Variants in CDH18 observed in about 807,000 individuals in gnomAD.
CDH18 encodes the protein cadherin 18, also known as cadherin-18.
In CDH18, 31 loss-of-function variants were observed where a neutral mutation model predicts 67.9. The observed-to-expected ratio is 0.46, with a 90% CI of 0.34 to 0.62. The LOEUF (loss-of-function observed/expected upper bound fraction) is 0.62, where lower values mean the gene tolerates loss of function less well. CDH18 is among the 20% of genes least tolerant of loss of function. The pLI is 0.01. For missense variants in CDH18, 890 were observed against 975.5 expected, an observed-to-expected ratio of 0.91 and a Z score of 1.17; for synonymous variants, 362 against 347.2, an observed-to-expected ratio of 1.04 and a Z score of -0.48.
chr5:20,142,763 T>C (rs1031103152), intron 2 of CDH18, among the ~76,000 whole-genome samples: 1 of 152,140 alleles, frequency 6.6e-6, no homozygotes, highest in Middle Eastern at 3.4e-3. Context: ...ACCAGAAGTT[T>C]TGGGTAAATG....
At chr5:20,282,550 C>A (rs1746364589) in intron 1 of CDH18, among the ~76,000 whole-genome samples, 4 of 152,076 alleles carry the variant, frequency 2.6e-5, no homozygotes, top group Admixed American at 2.6e-4. Flanking sequence ...AGCCTTGCAT[C>A]CCAGGGATGA....
intron 2 of CDH18, among the ~76,000 whole-genome samples, chr5:19,935,795 ACTCTCTCT>A (rs70954623): frequency 1.5e-4 from 18 of 117,354 alleles, no homozygotes; most frequent in Admixed American, 3.4e-4. Context: ...ACAGTCAGGA[ACTCTCTCT>A]CTCTCTCTCT....
Position 20,250,589 on chromosome 5 carries a change from CTTTTTTTTTTTTT to C in CDH18, c.-518+4842_-518+4854del, listed in dbSNP as rs70954644. Among the ~76,000 whole-genome samples, 31 of 33,568 alleles carry C rather than the reference CTTTTTTTTTTTTT, an allele frequency of 9.2e-4. 2 individuals carry two copies. The East Asian group carries it at 0.021, about 23-fold the overall frequency. The allele number at this position is 33,568 out of a possible 152,430, so 22.0% of individuals were successfully genotyped here. ...TACAGGCGTGAGCCACGGCCCATGGCTTTTTTTTTTTTTTTTTTTTTTTTTTTTTTCGAGATTT... is the reference window on the plus strand; with the variant it reads ...TACAGGCGTGAGCCACGGCCCATGGCTTTTTTTTTTTTTTTTTCGAGATTT... On this transcript the variant is annotated intron_variant, in intron 2 of 14. Coordinates refer to the CDH18 transcript ENST00000507958.
Position 19,888,777 on chromosome 5 carries a change from T to C in CDH18, c.-256-49535A>G, listed in dbSNP as rs575437684. The stretch of plus-strand genomic sequence containing the variant: ...TCTTTGCATTAGCAGAGGCCTCCTG[T>C]ACAATTTTAAATAGAAGTCCTGGTA... On this transcript the variant is annotated intron_variant, in intron 2 of 12. Coordinates refer to ENST00000382275, the MANE Select transcript of CDH18 (RefSeq NM_004934.5). Among the ~76,000 whole-genome samples the C allele has an allele frequency of 2.2e-4, 34 of 152,282 alleles. No individual in the cohort carries two copies. In the South Asian group the frequency reaches 6.8e-3, roughly 31 times the overall value.
intron 4 of CDH18, among the ~76,000 whole-genome samples, chr5:19,733,948 T>G (rs1767958024): frequency 6.6e-6 from 1 of 152,162 alleles, no homozygotes; most frequent in South Asian, 2.1e-4. Flanking sequence ...CTTGCTTGCT[T>G]ACATGCTCAC....
intron 5 of CDH18, among the ~76,000 whole-genome samples, chr5:19,706,099 A>G (rs1254180397): frequency 6.6e-6 from 1 of 152,154 alleles, no homozygotes. Context: ...TATGCATATT[A>G]ATGTGATTTC....
Position 19,747,157 on chromosome 5 carries a change from A to G in CDH18, c.308T>C (p.Ile103Thr), listed in dbSNP as rs764040178. The change falls in exon 4 of 13, where the codon ATT becomes ACT. Residue 103 changes from isoleucine to threonine, a missense_variant. Ile to Thr is a moderately conservative substitution (Grantham distance 89). This residue lies in a region of CDH18 where 234 missense variants were observed against 307.4 expected (regional missense o/e 0.76). Coordinates refer to ENST00000382275, the MANE Select transcript of CDH18 (RefSeq NM_004934.5). The part of the protein sequence containing the change: ...TGEGAGTIFI[I>T]DDTTGDIHST... ...GTGGATATCACCCGTGGTATCGTCA[A>G]TGATAAATATAGTCCCAGCACCCTC... The G allele has an allele frequency of 6.2e-7, 1 of 1,613,992 alleles. No homozygotes were observed. The highest frequency in any genetic ancestry group is 8.5e-7 in the Non-Finnish European group (1 of 1,179,844).
chr5:20,547,512 G>C (rs370586255), intron 1 of CDH18, among the ~76,000 whole-genome samples: 4 of 150,728 alleles, frequency 2.7e-5, no homozygotes, highest in Admixed American at 6.6e-5. Context: ...AATGAGTCGA[G>C]ATCGCACCAT....
chr5:20,521,155 G>A (rs1755718373), intron 1 of CDH18, among the ~76,000 whole-genome samples: 1 of 152,158 alleles, frequency 6.6e-6, no homozygotes, highest in Admixed American at 6.5e-5. Context: ...GCCAATGATT[G>A]CCTGAAGCTG....
chr5:20,182,202 GTTTT>G (rs938836746), intron 2 of CDH18, among the ~76,000 whole-genome samples: 1 of 150,952 alleles, frequency 6.6e-6, no homozygotes, highest in Non-Finnish European at 1.5e-5. Flanking sequence ...TCGATAACTT[GTTTT>G]TTTTTGCTTT....
At chr5:20,000,587 G>C (rs2150400047) in intron 2 of CDH18, among the ~76,000 whole-genome samples, 1 of 152,266 alleles carries the variant, frequency 6.6e-6, no homozygotes, top group East Asian at 1.9e-4. Context: ...AGATAGCCAA[G>C]AGTCAGTTGG....
intron 1 of CDH18, among the ~76,000 whole-genome samples, chr5:20,501,719 G>T (rs1476680554): frequency 9.8e-5 from 2 of 20,398 alleles, no homozygotes; most frequent in African/African-American, 2.8e-4. Flanking sequence ...TTAAGGATTT[G>T]TGTGTGTGTG....
chr5:19,750,337 T>C (rs1561220454), intron 3 of CDH18, among the ~76,000 whole-genome samples: 1 of 152,134 alleles, frequency 6.6e-6, no homozygotes, highest in Non-Finnish European at 1.5e-5. Flanking sequence ...GTATTTTGTC[T>C]TGAATTTTTT....
intron 2 of CDH18, among the ~76,000 whole-genome samples, chr5:20,012,372 CAAA>C (rs374226366): frequency 1.7e-5 from 2 of 116,088 alleles, no homozygotes; most frequent in African/African-American, 3.3e-5. Context: ...TTATCTTGTT[CAAA>C]AAAAAAAAAA....
intron 8 of CDH18, among the ~76,000 whole-genome samples, chr5:19,544,933 C>G (rs1000754288): frequency 4.6e-5 from 7 of 152,062 alleles, no homozygotes; most frequent in Admixed American, 4.6e-4. Flanking sequence ...ATTCAGCTAG[C>G]CCTCAGCTAA....
At chr5:19,504,618 T>C (rs1743794736) in intron 10 of CDH18, among the ~76,000 whole-genome samples, 1 of 152,082 alleles carries the variant, frequency 6.6e-6, no homozygotes, top group Non-Finnish European at 1.5e-5. Flanking sequence ...TTTAAGTTTT[T>C]TAAGGGTTAA....
chr5:20,302,052 G>A (rs764880760), intron 1 of CDH18, among the ~76,000 whole-genome samples: 1 of 151,894 alleles, frequency 6.6e-6, no homozygotes, highest in African/African-American at 2.4e-5. Context: ...AGAAAAAAAA[G>A]GCCACTGGGA....
chr5:19,672,255 T>C (rs955339346), intron 5 of CDH18, among the ~76,000 whole-genome samples: 1 of 152,110 alleles, frequency 6.6e-6, no homozygotes, highest in African/African-American at 2.4e-5. Context: ...GCACTACTGA[T>C]TAGCTGAGTG....
intron 1 of CDH18, among the ~76,000 whole-genome samples, chr5:20,297,824 A>G (rs1747659753): frequency 6.6e-6 from 1 of 152,210 alleles, no homozygotes; most frequent in South Asian, 2.1e-4. Flanking sequence ...TTCATATTAC[A>G]GAATGAAGTA....
Sources: gnomAD v4.1 joint callset for allele counts (sites outside exome capture counted in the v4.1 genomes callset) on GRCh38, gnomAD v4.1.1 for gene constraint, gnomAD v4.1.1 regional missense constraint, MANE v1.5 for transcripts, NCBI Gene and HGNC (gene_info 2026-07-23, HGNC 2026-07-21) for gene names.